BICDL1: variants seen among roughly 807,000 people sequenced by gnomAD.
BICDL1 encodes BICD family like cargo adaptor 1.
BICDL1 carries 20 observed loss-of-function variants against 76.8 expected under a neutral mutation model. The observed-to-expected ratio is 0.26, with a 90% CI of 0.18 to 0.38. The LOEUF (loss-of-function observed/expected upper bound fraction) is 0.38, where lower values mean the gene tolerates loss of function less well. Among genes scored for constraint, BICDL1 ranks in the 10% least tolerant of loss-of-function variants. The pLI is 1.00. For missense variants in BICDL1, 700 were observed against 798.6 expected (o/e 0.88, Z 1.49); for synonymous variants, 383 against 337.1 (o/e 1.14, Z -1.49).
At chr12:120,005,539 A>G (rs778103220) in intron 2 of BICDL1, among the ~76,000 whole-genome samples, 6 of 151,912 alleles carry the variant, frequency 3.9e-5, no homozygotes, top group Non-Finnish European at 8.8e-5. Flanking sequence ...ATGCCTACCC[A>G]ATTTCTGTAT....
At chr12:120,012,212 A>C (rs1951968607) in intron 2 of BICDL1, among the ~76,000 whole-genome samples, 1 of 152,050 alleles carries the variant, frequency 6.6e-6, no homozygotes, top group Admixed American at 6.6e-5. Context: ...AACAAAATTT[A>C]TTTTCCATTC....
chr12:120,001,727 C>T lies in BICDL1; in HGVS notation c.645+2991C>T, dbSNP rs191560027. On this transcript the variant is annotated intron_variant, in intron 2 of 9. Coordinates refer to ENST00000548673, the MANE Select transcript of BICDL1 (RefSeq NM_001367886.1). ...ATAACAGCTTTATTGAGATATAATT[C>T]ACATACCATAACATTTACCCTTTAA... Among the ~76,000 whole-genome samples the T allele has an allele frequency of 1.4e-4, 22 of 152,128 alleles. 1 individual carries two copies. Among genetic ancestry groups the T allele is most frequent in the Admixed American group, 1.0e-3 (16 of 15,290 alleles).
At chr12:120,081,494 G>C (rs1419143612) in intron 8 of BICDL1, among the ~76,000 whole-genome samples, 1 of 151,456 alleles carries the variant, frequency 6.6e-6, no homozygotes, top group African/African-American at 2.4e-5. Context: ...GATTACAGGT[G>C]CCTGCCACCA....
chr12:120,044,383 T>G (rs1020101641), intron 2 of BICDL1, among the ~76,000 whole-genome samples: 1 of 152,186 alleles, frequency 6.6e-6, no homozygotes, highest in Non-Finnish European at 1.5e-5. Context: ...GACTGCTCTT[T>G]CCTGAGAGAA....
At chr12:120,017,042 A>G (rs1018775586) in intron 2 of BICDL1, among the ~76,000 whole-genome samples, 2 of 151,930 alleles carry the variant, frequency 1.3e-5, no homozygotes, top group South Asian at 2.1e-4. Flanking sequence ...GACTACAGGC[A>G]CCCGCCACCA....
At chr12:120,015,301 G>A (rs901904144) in intron 2 of BICDL1, among the ~76,000 whole-genome samples, 2 of 152,140 alleles carry the variant, frequency 1.3e-5, no homozygotes, top group Admixed American at 6.5e-5. Flanking sequence ...GACTCCCTTG[G>A]CATAACAAAT....
chr12:120,083,140 G>C (rs1220175937), intron 8 of BICDL1, among the ~76,000 whole-genome samples: 1 of 152,170 alleles, frequency 6.6e-6, no homozygotes, highest in Non-Finnish European at 1.5e-5. Context: ...TAGGATTACA[G>C]GCATGAGCCA....
intron 8 of BICDL1, among the ~76,000 whole-genome samples, chr12:120,081,768 G>T (rs1395289518): frequency 2.0e-5 from 3 of 150,072 alleles, no homozygotes; most frequent in African/African-American, 7.4e-5. Context: ...GATATAAGAT[G>T]ACTTCATCTC....
At chr12:120,012,319 T>C (rs1027504026) in intron 2 of BICDL1, among the ~76,000 whole-genome samples, 1 of 152,224 alleles carries the variant, frequency 6.6e-6, no homozygotes, top group Non-Finnish European at 1.5e-5. Context: ...TTATGCATCA[T>C]AGTACTAAGG....
At chr12:120,074,066 A>G (rs1873327078) in intron 6 of BICDL1, among the ~76,000 whole-genome samples, 2 of 152,024 alleles carry the variant, frequency 1.3e-5, no homozygotes, top group South Asian at 4.2e-4. Context: ...GGTGCCCACC[A>G]CCACACCCGG....
chr12:120,091,688 A>G, intron 9 of BICDL1: 1 of 985,252 alleles, frequency 1.0e-6, no homozygotes, highest in Non-Finnish European at 1.2e-6. Context: ...CCTGAGCCAG[A>G]GCGCGTGAGG....
intron 2 of BICDL1, among the ~76,000 whole-genome samples, chr12:120,023,413 A>C (rs1326396388): frequency 6.6e-6 from 1 of 152,204 alleles, no homozygotes; most frequent in African/African-American, 2.4e-5. Flanking sequence ...CCCATAATAA[A>C]GATCAAAAAA....
At chr12:120,052,536 T>G (rs1438703784) in intron 2 of BICDL1, among the ~76,000 whole-genome samples, 2 of 152,136 alleles carry the variant, frequency 1.3e-5, no homozygotes, top group African/African-American at 2.4e-5. Flanking sequence ...TGGGCCCTTC[T>G]CAGTACATCA....
Position 120,071,842 on chromosome 12 carries a change from G to T in BICDL1, c.1089+41G>T, listed in dbSNP as rs376218475. On this transcript the variant is annotated intron_variant, in intron 5 of 9. Transcript: ENST00000548673. This position sits in a 1 kb window ranked among gnomAD's most constrained non-coding sequence, Gnocchi z 4.8. ...TCACCCCACAGGCGAGGCTACCTGG[G>T]GTTGCTTAGGTCTCATCCTCCTCCC... is the stretch of plus-strand genomic sequence containing the variant. The T allele has an allele frequency of 1.3e-6, 2 of 1,525,304 alleles. No individual in the cohort carries two copies. The highest frequency in any genetic ancestry group is 1.8e-6 in the Non-Finnish European group (2 of 1,137,264). 94.5% of individuals were successfully genotyped at this position (1,525,304 alleles called of 1,614,324 possible).
intron 2 of BICDL1, among the ~76,000 whole-genome samples, chr12:120,050,185 T>A (rs539183077): frequency 6.6e-6 from 1 of 152,240 alleles, no homozygotes; most frequent in African/African-American, 2.4e-5. Flanking sequence ...TTTTTATATA[T>A]TCTGAATACA....
chr12:120,016,005 A>AT (rs1952052151), intron 2 of BICDL1, among the ~76,000 whole-genome samples: 2 of 152,182 alleles, frequency 1.3e-5, no homozygotes, highest in Non-Finnish European at 2.9e-5. Context: ...CAATTTTAGA[A>AT]CATTTCTGCT....
chr12:120,075,625 A>G (rs1407348103), intron 7 of BICDL1, among the ~76,000 whole-genome samples: 1 of 151,922 alleles, frequency 6.6e-6, no homozygotes, highest in African/African-American at 2.4e-5. Flanking sequence ...GCTCAAGAGA[A>G]CCACTCACCT....
intron 8 of BICDL1, among the ~76,000 whole-genome samples, chr12:120,081,741 C>G (rs1171502467): frequency 6.6e-6 from 1 of 150,496 alleles, no homozygotes; most frequent in East Asian, 1.9e-4. Flanking sequence ...CATTTTCAAG[C>G]AAACACAAAA....
chr12:120,012,129 G>A (rs551213209), intron 2 of BICDL1, among the ~76,000 whole-genome samples: 15 of 152,240 alleles, frequency 9.9e-5, no homozygotes, highest in Middle Eastern at 3.4e-3. Flanking sequence ...GACCGAGGGC[G>A]GCTTCTCCTC....
Sources: gnomAD v4.1 joint callset for allele counts (sites outside exome capture counted in the v4.1 genomes callset) on GRCh38, gnomAD v4.1.1 for gene constraint, Gnocchi (gnomAD v3.1) non-coding constraint, MANE v1.5 for transcripts, NCBI Gene and HGNC (gene_info 2026-07-23, HGNC 2026-07-21) for gene names.